Variants in MICU3 observed in about 807,000 individuals in gnomAD.
MICU3 encodes the protein mitochondrial calcium uptake 3.
A neutral mutation model predicts 66.5 loss-of-function variants in MICU3; 62 were observed. The ratio of observed to expected loss-of-function variants is 0.93; its 90% CI spans 0.76 to 1.15. The LOEUF (loss-of-function observed/expected upper bound fraction) is 1.15. Among genes scored for constraint, MICU3 ranks in the 50% most tolerant of loss-of-function variants. The pLI is 0.00. For missense variants in MICU3, 779 were observed against 664.4 expected, an observed-to-expected ratio of 1.17 and a Z score of -1.90; for synonymous variants, 308 against 240.7, an observed-to-expected ratio of 1.28 and a Z score of -2.59.
At chr8:17,094,770 A>G (rs1253044052) in intron 8 of MICU3, among the ~76,000 whole-genome samples, 1 of 152,012 alleles carries the variant, frequency 6.6e-6, no homozygotes, top group African/African-American at 2.4e-5. Flanking sequence ...ACAAACCATC[A>G]CACAGGTGTT....
At chr8:17,072,800 A>G (rs145758749) in intron 3 of MICU3, among the ~76,000 whole-genome samples, 3 of 152,242 alleles carry the variant, frequency 2.0e-5, no homozygotes, top group Non-Finnish European at 4.4e-5. Flanking sequence ...GACACCCGCC[A>G]GATGGTGAGC....
At chr8:17,074,890 C>T (rs999667346) in intron 3 of MICU3, among the ~76,000 whole-genome samples, 1 of 152,014 alleles carries the variant, frequency 6.6e-6, no homozygotes, top group African/African-American at 2.4e-5. Context: ...GCTAACCACT[C>T]CGAGTTTAAG....
chr8:17,113,029 T>G (rs1802346764), intron 11 of MICU3, among the ~76,000 whole-genome samples: 1 of 152,220 alleles, frequency 6.6e-6, no homozygotes, highest in African/African-American at 2.4e-5. Flanking sequence ...GTAAACAATG[T>G]GAGGAGAAAA....
At chr8:17,033,822 T>A (rs542917606) in intron 1 of MICU3, among the ~76,000 whole-genome samples, 1 of 152,078 alleles carries the variant, frequency 6.6e-6, no homozygotes, top group Admixed American at 6.6e-5. Flanking sequence ...TTCATGAGAT[T>A]TAAGGAAAGA....
In MICU3 at chr8:17,064,180, C is replaced by T; in HGVS notation, c.478C>T (p.Gln160Ter). ...ATTTGCTTCTATAGAATGTGAAGGG[C>T]AGTTATTCATGACTCCGTATGATTT... ...RLFASIECEG[Q>*]LFMTPYDFIL... Residue 160 changes from glutamine to a stop codon, truncating the protein, a stop_gained, in exon 2 of 15, where the codon CAG (glutamine) becomes TAG (stop). Transcript: ENST00000318063. LOFTEE classifies it high-confidence loss of function. 1 of 1,612,760 alleles carries T rather than the reference C, an allele frequency of 6.2e-7. No homozygotes were observed. Among genetic ancestry groups the T allele is most frequent in the Non-Finnish European group, 8.5e-7 (1 of 1,179,132 alleles).
intron 1 of MICU3, among the ~76,000 whole-genome samples, chr8:17,056,335 T>C (rs1320804385): frequency 1.3e-5 from 2 of 152,166 alleles, no homozygotes; most frequent in Non-Finnish European, 2.9e-5. Flanking sequence ...GTCTGGGTCT[T>C]GAAGTTGGTT....
At chr8:17,065,959 A>G (rs1818613655) in intron 2 of MICU3, among the ~76,000 whole-genome samples, 1 of 152,208 alleles carries the variant, frequency 6.6e-6, no homozygotes, top group Non-Finnish European at 1.5e-5. Flanking sequence ...AGAAATGTAA[A>G]CTACATAAGC....
At chr8:17,057,287 G>T (rs985166372) in intron 1 of MICU3, among the ~76,000 whole-genome samples, 1 of 152,128 alleles carries the variant, frequency 6.6e-6, no homozygotes, top group Non-Finnish European at 1.5e-5. Context: ...CCCAGGTACA[G>T]ACATTGGGAA....
chr8:17,027,381 C>A lies in MICU3; in HGVS notation c.102C>A (p.Thr34=). 6.8e-7 allele frequency: 1 copy of A among 1,460,740 alleles called. No individual in the cohort carries two copies. The highest frequency in any genetic ancestry group is 9.0e-7 in the Non-Finnish European group (1 of 1,115,176). 90.5% of individuals were successfully genotyped at this position (1,460,740 alleles called of 1,614,324 possible). ...GGCCGTGGGGGCGGCCTGCGGTGAC[C>A]ACCCTGGGCCTTCCTGGCCGGCCCT... ...LLGPWGRPAV[T]TLGLPGRPFS... The change falls in exon 1 of 15, where the codon ACC becomes ACA. Residue 34 remains threonine (T), a synonymous_variant. Coordinates refer to ENST00000318063, the MANE Select transcript of MICU3 (RefSeq NM_181723.3).
chr8:17,106,329 C>A (rs142596690), intron 11 of MICU3, among the ~76,000 whole-genome samples: 2,062 of 151,738 alleles, frequency 0.014, 22 homozygotes, highest in Middle Eastern at 0.048. Context: ...TAACAATTTT[C>A]CATTTCCCCT....
At chr8:17,075,297 T>TTATTGGCTGTGTGATTGAAC (rs1820212950) in intron 3 of MICU3, among the ~76,000 whole-genome samples, 1 of 152,158 alleles carries the variant, frequency 6.6e-6, no homozygotes, top group Non-Finnish European at 1.5e-5. Context: ...CATGATTGAA[T>TTATTGGCTGTGTGATTGAAC]TATTGGCTGT....
At chr8:17,090,195 C>G (rs1034673709) in intron 7 of MICU3, among the ~76,000 whole-genome samples, 1 of 152,082 alleles carries the variant, frequency 6.6e-6, no homozygotes, top group Non-Finnish European at 1.5e-5. Flanking sequence ...GCTGCTGCAT[C>G]TGGATTTCCC....
At chr8:17,031,428 G>T (rs1174101860) in intron 1 of MICU3, among the ~76,000 whole-genome samples, 2 of 151,656 alleles carry the variant, frequency 1.3e-5, no homozygotes, top group Admixed American at 6.6e-5. Context: ...TAGGATTACA[G>T]GCGCCGGCCA....
At position 17,114,099 on chromosome 8, in the gene MICU3, A is replaced by G; in HGVS notation, c.1264A>G (p.Thr422Ala). Residue 422 changes from threonine (T) to alanine (A), a missense_variant, in exon 12 of 15, where the codon ACA (threonine) becomes GCA (alanine). Transcript: ENST00000318063. Reference protein sequence around the residue: ...RYSIPEEKGITFDEFRSFFQF... With the variant: ...RYSIPEEKGIAFDEFRSFFQF... The stretch of plus-strand genomic sequence containing the variant: ...ATTTCCTTTCCCAATATAGGGCATC[A>G]CATTTGATGAATTCAGGTCATTTTT... 1 of 1,604,522 alleles carries G rather than the reference A, an allele frequency of 6.2e-7. No individual in the cohort carries two copies. The highest frequency in any genetic ancestry group is 8.5e-7 in the Non-Finnish European group (1 of 1,173,768).
intron 1 of MICU3, among the ~76,000 whole-genome samples, chr8:17,052,752 A>C (rs1310487711): frequency 6.6e-6 from 1 of 152,110 alleles, no homozygotes; most frequent in African/African-American, 2.4e-5. Flanking sequence ...CCTTTCGACC[A>C]CCCAGCAAGC....
intron 11 of MICU3, among the ~76,000 whole-genome samples, chr8:17,113,153 T>C (rs1802359207): frequency 1.3e-5 from 2 of 152,224 alleles, no homozygotes; most frequent in Admixed American, 6.5e-5. Flanking sequence ...AGCTGGCTTA[T>C]ATGAAACTAG....
intron 4 of MICU3, among the ~76,000 whole-genome samples, chr8:17,081,208 G>C (rs1222980287): frequency 1.3e-5 from 2 of 152,056 alleles, no homozygotes; most frequent in Admixed American, 6.6e-5. Context: ...TAACTATAGA[G>C]CTTTACTCTT....
intron 3 of MICU3, among the ~76,000 whole-genome samples, chr8:17,075,450 A>T (rs1015053915): frequency 6.6e-6 from 1 of 152,154 alleles, no homozygotes; most frequent in South Asian, 2.1e-4. Context: ...GGTATGAACC[A>T]AGGATTTAGA....
intron 11 of MICU3, among the ~76,000 whole-genome samples, chr8:17,109,152 T>A (rs1332654053): frequency 6.6e-6 from 1 of 152,134 alleles, no homozygotes; most frequent in Non-Finnish European, 1.5e-5. Context: ...CCTACCTTAA[T>A]CTGTTTTTAT....
Sources: allele counts gnomAD v4.1 joint callset (sites outside exome capture counted in the v4.1 genomes callset), GRCh38; gene constraint gnomAD v4.1.1; transcripts MANE v1.5; gene names NCBI Gene and HGNC (gene_info 2026-07-23, HGNC 2026-07-21).